Variants in KCNQ3 observed in about 807,000 individuals in gnomAD.
The protein encoded by KCNQ3 is potassium voltage-gated channel subfamily KQT member 3.
Under a neutral mutation model 92.5 loss-of-function variants are expected in KCNQ3, and 30 were observed. The observed-to-expected ratio is 0.32, with a 90% CI of 0.24 to 0.44. The LOEUF (loss-of-function observed/expected upper bound fraction) is 0.44. Among genes scored for constraint, KCNQ3 ranks in the 20% least tolerant of loss-of-function variants. The pLI, the probability that KCNQ3 is intolerant of heterozygous loss-of-function variation, is 1.00. For synonymous variants in KCNQ3, 450 were observed against 468.8 expected (o/e 0.96, Z 0.52); for missense variants, 913 against 1,140.3 (o/e 0.80, Z 2.87).
chr8:132,399,803 C>T (rs1820288869), intron 1 of KCNQ3, among the ~76,000 whole-genome samples: 1 of 152,326 alleles, frequency 6.6e-6, no homozygotes, highest in East Asian at 1.9e-4. Context: ...TTCAGATAAA[C>T]ACTCTCTGGG....
chr8:132,278,066 C>T (rs527844364), intron 1 of KCNQ3: 3 of 985,304 alleles, frequency 3.0e-6, no homozygotes, highest in African/African-American at 1.7e-5. Context: ...GACACAATTA[C>T]ACCAAAATCT....
intron 1 of KCNQ3, among the ~76,000 whole-genome samples, chr8:132,232,698 C>T (rs557504415): frequency 5.3e-5 from 8 of 152,164 alleles, no homozygotes; most frequent in Non-Finnish European, 1.0e-4. Context: ...TATTCTTAGT[C>T]AACCACTATG....
At chr8:132,230,472 A>AGAG in intron 1 of KCNQ3, among the ~76,000 whole-genome samples, 1 of 150,178 alleles carries the variant, frequency 6.7e-6, no homozygotes, top group East Asian at 1.9e-4. Flanking sequence ...AGAGAGAGAG[A>AGAG]GAGAGAGAGA....
At chr8:132,168,208 C>T (rs1586792758) in intron 8 of KCNQ3, among the ~76,000 whole-genome samples, 1 of 152,304 alleles carries the variant, frequency 6.6e-6, no homozygotes. Context: ...GCCCTCATTT[C>T]CTCTTACTCT....
intron 1 of KCNQ3, among the ~76,000 whole-genome samples, chr8:132,260,700 C>G (rs1035277974): frequency 6.6e-6 from 1 of 152,120 alleles, no homozygotes; most frequent in Non-Finnish European, 1.5e-5. Context: ...TAAGTGTTCT[C>G]TGCTTGGAAC....
chr8:132,182,936 A>C (rs1826838611), intron 3 of KCNQ3, among the ~76,000 whole-genome samples: 1 of 151,920 alleles, frequency 6.6e-6, no homozygotes, highest in South Asian at 2.1e-4. Context: ...CGTACATTCA[A>C]AATTCTGAGA....
chr8:132,455,668 G>T (rs1821922179), intron 1 of KCNQ3, among the ~76,000 whole-genome samples: 1 of 152,226 alleles, frequency 6.6e-6, no homozygotes, highest in Admixed American at 6.5e-5. Context: ...ATTGTGCCCA[G>T]CACTTGTCCA....
chr8:132,445,809 C>T (rs920523535), intron 1 of KCNQ3, among the ~76,000 whole-genome samples: 2 of 152,142 alleles, frequency 1.3e-5, no homozygotes, highest in South Asian at 2.1e-4. Flanking sequence ...CAAGACTCAC[C>T]AAGGTTACAG....
chr8:132,407,678 C>T (rs113580338), intron 1 of KCNQ3, among the ~76,000 whole-genome samples: 15 of 152,374 alleles, frequency 9.8e-5, no homozygotes, highest in African/African-American at 3.6e-4. Context: ...CCTTGTCTTT[C>T]ACCATCACTA....
intron 1 of KCNQ3, among the ~76,000 whole-genome samples, chr8:132,295,683 C>T (rs947208584): frequency 6.6e-6 from 1 of 152,192 alleles, no homozygotes; most frequent in Admixed American, 6.5e-5. Flanking sequence ...TACATATACA[C>T]CATGGAATAT....
chr8:132,232,340 G>A (rs1047653251), intron 1 of KCNQ3, among the ~76,000 whole-genome samples: 5 of 152,208 alleles, frequency 3.3e-5, no homozygotes, highest in South Asian at 2.1e-4. Context: ...TGCTGATGCT[G>A]TAGGTTGTTG....
At chr8:132,200,789 G>A (rs1347269823) in intron 1 of KCNQ3, among the ~76,000 whole-genome samples, 1 of 152,146 alleles carries the variant, frequency 6.6e-6, no homozygotes, top group Non-Finnish European at 1.5e-5. Flanking sequence ...CTTCCTGACT[G>A]CCTTATCTTC....
At chr8:132,462,333 G>A (rs1449213580) in intron 1 of KCNQ3, among the ~76,000 whole-genome samples, 3 of 152,040 alleles carry the variant, frequency 2.0e-5, no homozygotes, top group Non-Finnish European at 4.4e-5. Context: ...GGGATTACAG[G>A]TGCCCACCAC....
At chr8:132,325,451 C>A (rs780180188) in intron 1 of KCNQ3, among the ~76,000 whole-genome samples, 3 of 152,108 alleles carry the variant, frequency 2.0e-5, no homozygotes, top group African/African-American at 7.2e-5. Flanking sequence ...AAGTCCTAAC[C>A]CCTAGGACCT....
chr8:132,297,883 G>T (rs945334069), intron 1 of KCNQ3, among the ~76,000 whole-genome samples: 2 of 152,182 alleles, frequency 1.3e-5, no homozygotes, highest in African/African-American at 4.8e-5. Context: ...TAAAGGAGAG[G>T]AAATAAGTGG....
intron 1 of KCNQ3, among the ~76,000 whole-genome samples, chr8:132,426,310 C>T (rs1821106555): frequency 6.6e-6 from 1 of 152,246 alleles, no homozygotes; most frequent in Non-Finnish European, 1.5e-5. Context: ...CCCTACCCAT[C>T]ATGACACCGG....
chr8:132,406,843 G>C (rs1233115862), intron 1 of KCNQ3, among the ~76,000 whole-genome samples: 1 of 152,178 alleles, frequency 6.6e-6, no homozygotes, highest in Non-Finnish European at 1.5e-5. Flanking sequence ...ACTTTAGTGG[G>C]CTTAAAGTTC....
intron 1 of KCNQ3, among the ~76,000 whole-genome samples, chr8:132,263,892 C>A (rs1023032321): frequency 2.6e-5 from 4 of 152,196 alleles, no homozygotes; most frequent in Non-Finnish European, 4.4e-5. Context: ...TCGGGTCACC[C>A]TGAGCCACCT....
At position 132,447,314 on chromosome 8, in the gene KCNQ3, A is replaced by C. The variant is rs1821709413; in HGVS notation, c.386+32833T>G. On this transcript the variant is annotated intron_variant, in intron 1 of 14. Transcript: ENST00000388996. Reference sequence around the variant, plus strand: ...TAAAGCAGGGCAGAATGGGCAGACAAGGGTCAAGATAAAGGTACCAGAGAA... The same window carrying C: ...TAAAGCAGGGCAGAATGGGCAGACACGGGTCAAGATAAAGGTACCAGAGAA... The C allele has an allele frequency of 4.9e-6, 7 of 1,416,720 alleles. No individual in the cohort carries two copies. The Admixed American group carries it at 1.2e-4, about 24-fold the overall frequency. The allele number at this position is 1,416,720 out of a possible 1,614,324, so 87.8% of individuals were successfully genotyped here.
Sources: gnomAD v4.1 joint callset for allele counts (sites outside exome capture counted in the v4.1 genomes callset) on GRCh38, gnomAD v4.1.1 for gene constraint, MANE v1.5 for transcripts, NCBI Gene and HGNC (gene_info 2026-07-23, HGNC 2026-07-21) for gene names.